The following CLDN15 variants were observed in gnomAD, a reference collection of about 807,000 sequenced individuals.
CLDN15 encodes claudin 15, also known as claudin-15.
Under a neutral mutation model 24.5 loss-of-function variants are expected in CLDN15, and 9 were observed. That is an observed-to-expected ratio of 0.37 (90% CI 0.22 to 0.64). The LOEUF is 0.64. Among genes scored for constraint, CLDN15 ranks in the 30% least tolerant of loss-of-function variants. The pLI is 0.63. For synonymous variants in CLDN15, 149 were observed against 131.4 expected, an observed-to-expected ratio of 1.13 and a Z score of -0.92; for missense variants, 248 against 305.9, an observed-to-expected ratio of 0.81 and a Z score of 1.41.
At chr7:101,234,764 C>G (rs1798592139) in intron 1 of CLDN15, among the ~76,000 whole-genome samples, 1 of 152,038 alleles carries the variant, frequency 6.6e-6, no homozygotes, top group African/African-American at 2.4e-5. Flanking sequence ...TAACAGTCCC[C>G]ACATCCTCTC....
upstream of CLDN15, chr7:101,238,769 C>G (rs748694528): frequency 6.6e-6 from 1 of 152,276 alleles, no homozygotes; most frequent in African/African-American, 2.4e-5. Flanking sequence ...CCACTCTATT[C>G]GTTAATGATG....
In CLDN15 at chr7:101,237,457, T is replaced by G. The variant is rs769154207; in HGVS notation, c.125A>C (p.Asn42Thr). ...STVHGNVITT[N>T]TIFENLWFSC... Reference sequence around the variant, plus strand: ...AAACCAGAGGTTCTCGAAGATGGTGTTGGTGGTGATGACGTTCCCGTGCAC... The same window carrying G: ...AAACCAGAGGTTCTCGAAGATGGTGGTGGTGGTGATGACGTTCCCGTGCAC... Residue 42 changes from asparagine (N) to threonine (T), a missense_variant, in exon 1 of 5, where the codon AAC (asparagine) becomes ACC (threonine). Asn to Thr is a moderately conservative substitution (Grantham distance 65). Coordinates refer to ENST00000308344, the MANE Select transcript of CLDN15 (RefSeq NM_014343.3). The surrounding 1 kb of genome is among the most constrained non-coding windows in gnomAD (Gnocchi z 4.0). 1.9e-6 allele frequency: 3 copies of G among 1,613,860 alleles called. No individual in the cohort carries two copies. Among genetic ancestry groups the G allele is most frequent in the African/African-American group, 1.3e-5 (1 of 74,906 alleles).
intron 1 of CLDN15, among the ~76,000 whole-genome samples, chr7:101,235,682 GA>G (rs1798607517): frequency 6.6e-6 from 1 of 152,202 alleles, no homozygotes; most frequent in South Asian, 2.1e-4. Context: ...GCAGGGTGCA[GA>G]GTCGGGGGGT....
intron 3 of CLDN15, 30 bp from the exon 4 acceptor site, chr7:101,232,750 G>A (rs758560727): frequency 3.9e-4 from 612 of 1,581,322 alleles, no homozygotes; most frequent in Non-Finnish European, 5.2e-4. Flanking sequence ...GGGGGCGGGG[G>A]ACAAGTGAGA....
upstream of CLDN15, chr7:101,237,881 C>G (rs1264582087): frequency 1.9e-5 from 8 of 422,250 alleles, no homozygotes; most frequent in Non-Finnish European, 3.1e-5. This position sits in a 1 kb window ranked among gnomAD's most constrained non-coding sequence, Gnocchi z 4.0. Context: ...CCCCTCCCCC[C>G]AGCCTCTGGG....
At position 101,237,701 on chromosome 7, in the gene CLDN15, C is replaced by T. The variant is rs1798659618; in HGVS notation, c.-120G>A. On this transcript the variant is annotated 5_prime_UTR_variant, in exon 1 of 5. Coordinates refer to ENST00000308344, the MANE Select transcript of CLDN15 (RefSeq NM_014343.3). This position sits in a 1 kb window ranked among gnomAD's most constrained non-coding sequence, Gnocchi z 4.0. ...TCCAGGCAGGCTGGGGTGGAATCAG[C>T]CTCAGCCTCTGCCTGCCTCTTCCTC... 3 of 709,832 alleles carry T rather than the reference C, an allele frequency of 4.2e-6. No homozygotes were observed. In the South Asian group the frequency reaches 4.8e-5, roughly 11 times the overall value. 44.0% of individuals were successfully genotyped at this position (709,832 alleles called of 1,614,324 possible). A position where few individuals can be genotyped will look rare whatever the true frequency, so the allele number is the denominator to read the frequency against.
Position 101,234,401 on chromosome 7 carries a change from G to T in CLDN15, c.259C>A (p.Leu87Ile), listed in dbSNP as rs748167511. The T allele has an allele frequency of 7.4e-6, 12 of 1,613,096 alleles. No homozygotes were observed. The African/African-American group carries it at 1.5e-4, about 20-fold the overall frequency. ...AGCAAGAGGCCGAGGAAGCCCAGGA[G>T]GATGGCGGTGATCATGAGTGCCCGG... ...ACRALMITAILLGFLGLLLGI... is the reference protein window; with the variant it reads ...ACRALMITAIILGFLGLLLGI... Residue 87 changes from leucine (L) to isoleucine (I), a missense_variant, in exon 2 of 5, where the codon CTC becomes ATC. Transcript: ENST00000308344.
At chr7:101,237,914 C>G (rs773263425), upstream of CLDN15, 1 of 364,028 alleles carries the variant, frequency 2.7e-6, no homozygotes, top group African/African-American at 2.1e-5. The surrounding 1 kb of genome is among the most constrained non-coding windows in gnomAD (Gnocchi z 4.0). Context: ...CCCCGCCCCA[C>G]GAGGGTGGGG....
At position 101,234,431 on chromosome 7, in the gene CLDN15, C is replaced by CCTGAATA; in HGVS notation, c.222_228dup (p.Ala77TyrfsTer114). On this transcript the variant is annotated frameshift_variant, in exon 2 of 5. Transcript: ENST00000308344. LOFTEE classifies it high-confidence loss of function. ...GCGGTGATCATGAGTGCCCGGCAGG[C>CCTGAATA]CTGAATATACCCTGGGGGTGGGCAC... is the stretch of plus-strand genomic sequence containing the variant. The CCTGAATA allele has an allele frequency of 6.2e-7, 1 of 1,611,540 alleles. No homozygotes were observed. The highest frequency in any genetic ancestry group is 8.5e-7 in the Non-Finnish European group (1 of 1,178,132).
intron 1 of CLDN15, among the ~76,000 whole-genome samples, chr7:101,236,327 T>C (rs1456510471): frequency 6.6e-6 from 1 of 152,150 alleles, no homozygotes; most frequent in African/African-American, 2.4e-5. Flanking sequence ...AGGAAGCCTC[T>C]GCCGCTGCCT....
intron 1 of CLDN15, among the ~76,000 whole-genome samples, chr7:101,234,717 G>A (rs1227089930): frequency 6.6e-6 from 1 of 152,024 alleles, no homozygotes; most frequent in Non-Finnish European, 1.5e-5. Flanking sequence ...ATGAGCCACT[G>A]TGCCAGGCCC....
chr7:101,232,354 C>T lies in CLDN15; in HGVS notation c.*56G>A. On this transcript the variant is annotated 3_prime_UTR_variant, in exon 5 of 5. Transcript: ENST00000308344. Reference sequence around the variant, plus strand: ...TTACTATAGGGGAATGGGCCCCGGCCAGGTCCCCTCTCCTTGGGGCAGTGG... The same window carrying T: ...TTACTATAGGGGAATGGGCCCCGGCTAGGTCCCCTCTCCTTGGGGCAGTGG... 3 of 1,314,702 alleles carry T rather than the reference C, an allele frequency of 2.3e-6. No individual in the cohort carries two copies. The highest frequency in any genetic ancestry group is 2.3e-5 in the East Asian group (1 of 42,998). 81.4% of individuals were successfully genotyped at this position (1,314,702 alleles called of 1,614,324 possible).
At chr7:101,233,945 CTGTG>C (rs1798571304) in intron 2 of CLDN15, 2 of 471,802 alleles carry the variant, frequency 4.2e-6, no homozygotes, top group Admixed American at 5.0e-5. Context: ...TGGACGTGCA[CTGTG>C]TGTGTGCGCC....
chr7:101,238,111 G>A (rs1016118375), upstream of CLDN15: 8 of 191,056 alleles, frequency 4.2e-5, no homozygotes, highest in South Asian at 4.3e-4. Context: ...GGACAGAGAC[G>A]GAGAGAGAAT....
In CLDN15 at chr7:101,237,361, A is replaced by C. The variant is rs1216613642; in HGVS notation, c.217+4T>G. On this transcript the variant is annotated splice_donor_region_variant and intron_variant, in intron 1 of 4. Coordinates refer to ENST00000308344, the MANE Select transcript of CLDN15 (RefSeq NM_014343.3). This position sits in a 1 kb window ranked among gnomAD's most constrained non-coding sequence, Gnocchi z 4.0. Reference sequence around the variant, plus strand: ...CTCTCCCTGGAGCGCTCCCCACCCCATACCAGAGAGGGCCAGCATGGACGG... The same window carrying C: ...CTCTCCCTGGAGCGCTCCCCACCCCCTACCAGAGAGGGCCAGCATGGACGG... 1 of 1,596,486 alleles carries C rather than the reference A, an allele frequency of 6.3e-7. No homozygotes were observed. Among genetic ancestry groups the C allele is most frequent in the East Asian group, 2.2e-5 (1 of 44,464 alleles).
At chr7:101,234,240 T>C (rs1323872522) in intron 2 of CLDN15, 38 bp downstream of exon 2, 2 of 1,536,136 alleles carry the variant, frequency 1.3e-6, no homozygotes. Flanking sequence ...AGTCTGCGGT[T>C]GAGGGGGACC....
chr7:101,233,013 G>C, intron 2 of CLDN15, 99 bp from the exon 3 acceptor site: 1 of 785,360 alleles, frequency 1.3e-6, no homozygotes, highest in Non-Finnish European at 2.2e-6. Flanking sequence ...GAGTAGGACG[G>C]GGGCACCAAG....
chr7:101,236,218 G>T (rs929920657), intron 1 of CLDN15, among the ~76,000 whole-genome samples: 38 of 152,112 alleles, frequency 2.5e-4, no homozygotes, highest in African/African-American at 8.4e-4. Context: ...AGAACTCTGG[G>T]GTTCTGGCCC....
chr7:101,232,555 T>TCCTCTCTCCAATCCCGCCCGGCCCC, intron 4 of CLDN15, 40 bp from the exon 5 acceptor site: 1 of 1,592,622 alleles, frequency 6.3e-7, no homozygotes, highest in Non-Finnish European at 8.6e-7. Context: ...GGCGCGGCCC[T>TCCTCTCTCCAATCCCGCCCGGCCCC]CCTCTCTCCA....
Sources: gnomAD v4.1 joint callset for allele counts (sites outside exome capture counted in the v4.1 genomes callset) on GRCh38, gnomAD v4.1.1 for gene constraint, Gnocchi (gnomAD v3.1) non-coding constraint, MANE v1.5 for transcripts, NCBI Gene and HGNC (gene_info 2026-07-23, HGNC 2026-07-21) for gene names.